CPEB2: variants seen among roughly 807,000 people sequenced by gnomAD.
The protein encoded by CPEB2 is cytoplasmic polyadenylation element-binding protein 2.
In CPEB2, 56 loss-of-function variants were observed where a neutral mutation model predicts 93.6. The ratio of observed to expected loss-of-function variants is 0.60; its 90% CI spans 0.48 to 0.75. The LOEUF (loss-of-function observed/expected upper bound fraction) is 0.75. Among genes scored for constraint, CPEB2 ranks in the 30% least tolerant of loss-of-function variants. The pLI is 0.00. For missense variants in CPEB2, 1,579 were observed against 1,395.1 expected (o/e 1.13, Z -2.10); for synonymous variants, 764 against 586.3 (o/e 1.30, Z -4.38).
At chr4:15,025,613 G>A (rs192965911) in intron 4 of CPEB2, among the ~76,000 whole-genome samples, 18 of 151,668 alleles carry the variant, frequency 1.2e-4, no homozygotes, top group Non-Finnish European at 2.4e-4. Flanking sequence ...CTTGTGAGCT[G>A]TAGGCCTAGC....
Position 15,003,967 on chromosome 4 carries a change from G to C in CPEB2, c.1294G>C (p.Gly432Arg). Reference sequence around the variant, plus strand: ...TGCCACCACCCCGGGCGGCGGCAGCGGCGGCTCGCTCAGCGCCATGCCGCC... The same window carrying C: ...TGCCACCACCCCGGGCGGCGGCAGCCGCGGCTCGCTCAGCGCCATGCCGCC... The part of the protein sequence containing the change: ...SSATTPGGGS[G>R]GSLSAMPPPS... Residue 432 changes from glycine (G) to arginine (R), a missense_variant, in exon 1 of 12, where the codon GGC becomes CGC. Physicochemically the swap from Gly to Arg is moderately radical, Grantham distance 125 (BLOSUM62 -2). Transcript: ENST00000538197. 5 of 1,370,474 alleles carry C rather than the reference G, an allele frequency of 3.6e-6. No homozygotes were observed. Among genetic ancestry groups the C allele is most frequent in the Non-Finnish European group, 4.7e-6 (5 of 1,057,892 alleles). 84.9% of individuals were successfully genotyped at this position (1,370,474 alleles called of 1,614,324 possible).
chr4:15,028,492 T>C (rs1357810369), intron 4 of CPEB2, among the ~76,000 whole-genome samples: 1 of 152,140 alleles, frequency 6.6e-6, no homozygotes, highest in African/African-American at 2.4e-5. Context: ...TATGCTACGC[T>C]TTGTTTTATA....
chr4:15,061,345 A>C (rs990151251), intron 10 of CPEB2, among the ~76,000 whole-genome samples: 1 of 152,136 alleles, frequency 6.6e-6, no homozygotes, highest in African/African-American at 2.4e-5. Context: ...CTATCAAGGA[A>C]GACTCAGAAG....
Position 15,033,116 on chromosome 4 carries a change from A to G in CPEB2, c.2126-45A>G, listed in dbSNP as rs577515738. 17 of 1,422,616 alleles carry G rather than the reference A, an allele frequency of 1.2e-5. No individual in the cohort carries two copies. The African/African-American group carries it at 1.6e-4, about 13-fold the overall frequency. The allele number at this position is 1,422,616 out of a possible 1,614,324, so 88.1% of individuals were successfully genotyped here. A position where few individuals can be genotyped will look rare whatever the true frequency, so the allele number is the denominator to read the frequency against. Reference sequence around the variant, plus strand: ...TTTGTTTTTTTGTTTTTGCTTTTCAAATAACTCCATAATCTTCAAACTCAC... The same window carrying G: ...TTTGTTTTTTTGTTTTTGCTTTTCAGATAACTCCATAATCTTCAAACTCAC... On this transcript the variant is annotated intron_variant, in intron 4 of 11. Transcript: ENST00000538197.
Position 15,067,873 on chromosome 4 carries a change from A to G in CPEB2, c.*1493A>G, listed in dbSNP as rs966437779. 1 of 152,326 alleles carries G rather than the reference A, an allele frequency of 6.6e-6. No individual in the cohort carries two copies. Among genetic ancestry groups the G allele is most frequent in the African/African-American group, 2.4e-5 (1 of 41,408 alleles). 9.4% of individuals were successfully genotyped at this position (152,326 alleles called of 1,614,324 possible). ...CTTTTTTGAAAATTTTCATGAAGGA[A>G]TTTTGGTAATGACTTTGCTTGCAGG... On this transcript the variant is annotated 3_prime_UTR_variant, in exon 12 of 12. Coordinates refer to ENST00000538197, the MANE Select transcript of CPEB2 (RefSeq NM_001177382.2).
intron 1 of CPEB2, chr4:15,005,226 T>C (rs973717105): frequency 1.2e-4 from 19 of 152,286 alleles, no homozygotes; most frequent in African/African-American, 4.6e-4. Context: ...TCTTAGTTTC[T>C]GTGCTTTTCA....
At chr4:15,013,461 A>G (rs1723742650) in intron 3 of CPEB2, among the ~76,000 whole-genome samples, 1 of 152,040 alleles carries the variant, frequency 6.6e-6, no homozygotes, top group African/African-American at 2.4e-5. Flanking sequence ...GATAATTAGT[A>G]TTGTTGCGTT....
At chr4:15,039,817 A>G (rs1039500404) in intron 5 of CPEB2, among the ~76,000 whole-genome samples, 37 of 152,142 alleles carry the variant, frequency 2.4e-4, no homozygotes, top group African/African-American at 8.7e-4. Context: ...CACATAAACA[A>G]TTAGTAGATA....
rs1340897610 is a variant in CPEB2, at chr4:15,004,316, A to T, written c.1643A>T (p.Asn548Ile). The part of the protein sequence containing the change: ...AAAAAFLQQR[N>I]SYNHHQPLLK... ...GCCGCCGCCTTCCTGCAGCAGAGGA[A>T]CTCCTATAACCACCACCAGGTACGG... Residue 548 changes from asparagine (N) to isoleucine (I), a missense_variant, in exon 1 of 12, where the codon AAC (asparagine) becomes ATC (isoleucine). By Grantham distance (149) the Asn-to-Ile change is moderately radical. Coordinates refer to ENST00000538197, the MANE Select transcript of CPEB2 (RefSeq NM_001177382.2). 1.3e-6 allele frequency: 2 copies of T among 1,486,864 alleles called. No individual in the cohort carries two copies. Among genetic ancestry groups the T allele is most frequent in the Non-Finnish European group, 1.8e-6 (2 of 1,126,670 alleles). 92.1% of individuals were successfully genotyped at this position (1,486,864 alleles called of 1,614,324 possible).
In CPEB2 at chr4:15,009,575, G is replaced by A. The variant is rs1358832232; in HGVS notation, c.2034+1148G>A. ...TTGTATTTAAATTCAATACATGAAT[G>A]CCTAGGAGATGGTATGTTTAGGAGA... On this transcript the variant is annotated intron_variant, in intron 3 of 11. Coordinates refer to ENST00000538197, the MANE Select transcript of CPEB2 (RefSeq NM_001177382.2). Among the ~76,000 whole-genome samples, 6 of 152,188 alleles carry A rather than the reference G, an allele frequency of 3.9e-5. No homozygotes were observed. The East Asian group carries it at 1.2e-3, about 29-fold the overall frequency.
chr4:15,024,178 A>G (rs576876547), intron 4 of CPEB2, among the ~76,000 whole-genome samples: 2 of 152,052 alleles, frequency 1.3e-5, no homozygotes, highest in African/African-American at 2.4e-5. Flanking sequence ...TTGCAGTCCT[A>G]TATAGCAGTC....
At position 15,007,580 on chromosome 4, in the gene CPEB2, C is replaced by A; in HGVS notation, c.1938C>A (p.Pro646=). 1 of 1,567,194 alleles carries A rather than the reference C, an allele frequency of 6.4e-7. No individual in the cohort carries two copies. The highest frequency in any genetic ancestry group is 1.2e-5 in the South Asian group (1 of 85,206). The change falls in exon 2 of 12, where the codon CCC becomes CCA. Residue 646 remains proline (P), a synonymous_variant. Coordinates refer to ENST00000538197, the MANE Select transcript of CPEB2 (RefSeq NM_001177382.2). The stretch of plus-strand genomic sequence containing the variant: ...ACAACAATAGTAATACACTCTTACC[C>A]TTACAGGTAAGAATGGTATGTAAAT... ...RTDNNSNTLL[P]LQVRSSLQLP...
At chr4:15,016,951 A>C (rs1331194993) in intron 3 of CPEB2, among the ~76,000 whole-genome samples, 1 of 151,962 alleles carries the variant, frequency 6.6e-6, no homozygotes, top group Non-Finnish European at 1.5e-5. Context: ...ATTGCCAGTA[A>C]AATTAGATTA....
chr4:15,008,073 A>G (rs1345929951), intron 2 of CPEB2, among the ~76,000 whole-genome samples: 4 of 152,172 alleles, frequency 2.6e-5, no homozygotes, highest in Non-Finnish European at 4.4e-5. Context: ...TATCTTCACT[A>G]ATTCACCGAT....
At chr4:15,020,439 C>T (rs918745662) in intron 4 of CPEB2, among the ~76,000 whole-genome samples, 2 of 152,146 alleles carry the variant, frequency 1.3e-5, no homozygotes, top group African/African-American at 4.8e-5. Flanking sequence ...TGCTAAGTGG[C>T]AGGTTCCTGA....
intron 5 of CPEB2, among the ~76,000 whole-genome samples, chr4:15,033,644 T>C (rs1726341369): frequency 6.6e-6 from 1 of 152,228 alleles, no homozygotes; most frequent in Non-Finnish European, 1.5e-5. Flanking sequence ...CTGGTAACTC[T>C]ATAAATATTG....
intron 10 of CPEB2, among the ~76,000 whole-genome samples, chr4:15,060,922 A>G (rs1186092453): frequency 1.3e-5 from 2 of 152,166 alleles, no homozygotes; most frequent in African/African-American, 4.8e-5. Flanking sequence ...ATGTTTTAAA[A>G]TCAAGTTTAC....
chr4:15,061,948 C>T, intron 10 of CPEB2, 131 bp from the exon 11 acceptor site: 1 of 810,434 alleles, frequency 1.2e-6, no homozygotes, highest in Non-Finnish European at 1.9e-6. Context: ...TAACAACAGC[C>T]TCTTATCTGC....
chr4:15,003,912 C>CCAGCCG lies in CPEB2; in HGVS notation c.1253_1258dup (p.Gln418_Pro419dup), dbSNP rs923144503. The CCAGCCG allele has an allele frequency of 2.7e-5, 27 of 1,010,522 alleles. No individual in the cohort carries two copies. Among genetic ancestry groups the CCAGCCG allele is most frequent in the East Asian group, 2.1e-4 (6 of 28,546 alleles). The allele number at this position is 1,010,522 out of a possible 1,614,324, so 62.6% of individuals were successfully genotyped here. A position where few individuals can be genotyped will look rare whatever the true frequency, so the allele number is the denominator to read the frequency against. On this transcript the variant is annotated inframe_insertion, in exon 1 of 12. Coordinates refer to ENST00000538197, the MANE Select transcript of CPEB2 (RefSeq NM_001177382.2). The stretch of plus-strand genomic sequence containing the variant: ...AGCCGCCGCCACCCCAGCAGCCGCC[C>CCAGCCG]CAGCCGCAGCCGCAGCCGCCCGGCT...
Sources: allele counts gnomAD v4.1 joint callset (sites outside exome capture counted in the v4.1 genomes callset), GRCh38; gene constraint gnomAD v4.1.1; transcripts MANE v1.5; gene names NCBI Gene and HGNC (gene_info 2026-07-23, HGNC 2026-07-21).